Variants in ELOVL7 observed in about 807,000 individuals in gnomAD.
ELOVL7 encodes very long chain fatty acid elongase 7.
In ELOVL7, 27 loss-of-function variants were observed where a neutral mutation model predicts 35.7. That is an observed-to-expected ratio of 0.76 (90% CI 0.56 to 1.04). ELOVL7 has a LOEUF of 1.04. ELOVL7 is among the 50% of genes least tolerant of loss of function. The pLI is 0.00. For missense variants in ELOVL7, 327 were observed against 340.8 expected (o/e 0.96, Z 0.32); for synonymous variants, 113 against 114.6 (o/e 0.99, Z 0.09).
chr5:60,836,083 A>C (rs942214306), intron 1 of ELOVL7, among the ~76,000 whole-genome samples: 1 of 152,066 alleles, frequency 6.6e-6, no homozygotes, highest in Non-Finnish European at 1.5e-5. Flanking sequence ...AACCATATGC[A>C]AACTGCCAAC....
chr5:60,843,391 G>A (rs1747301089), intron 1 of ELOVL7: 1 of 152,134 alleles, frequency 6.6e-6, no homozygotes, highest in African/African-American at 2.4e-5. Flanking sequence ...ACGAACCTGG[G>A]AAAGCCCATT....
chr5:60,805,936 T>C (rs1295453767), intron 1 of ELOVL7, among the ~76,000 whole-genome samples: 1 of 152,244 alleles, frequency 6.6e-6, no homozygotes, highest in Non-Finnish European at 1.5e-5. Context: ...CCAAGTGTTA[T>C]GGATTGAACT....
At chr5:60,814,676 G>A (rs568888802) in intron 1 of ELOVL7, among the ~76,000 whole-genome samples, 102 of 152,266 alleles carry the variant, frequency 6.7e-4, no homozygotes, top group Non-Finnish European at 1.1e-3. Context: ...AGAAGTTAAG[G>A]AACTTGCCCC....
Position 60,789,119 on chromosome 5 carries a change from C to T in ELOVL7, c.-34-1688G>A, listed in dbSNP as rs539063326. On this transcript the variant is annotated intron_variant, in intron 2 of 8. Transcript: ENST00000508821. ...ATGACATAGTAGAAGACTTTTATAACCTTGTAGTGGGAAAGGCCTTACTAA... is the reference window on the plus strand; with the variant it reads ...ATGACATAGTAGAAGACTTTTATAATCTTGTAGTGGGAAAGGCCTTACTAA... Among the ~76,000 whole-genome samples, 54 of 152,182 alleles carry T rather than the reference C, an allele frequency of 3.5e-4. 2 individuals carry two copies. In the South Asian group the frequency reaches 9.3e-3, roughly 26 times the overall value.
At chr5:60,782,133 G>A (rs764368499) in intron 3 of ELOVL7, among the ~76,000 whole-genome samples, 17 of 151,962 alleles carry the variant, frequency 1.1e-4, no homozygotes, top group African/African-American at 3.1e-4. Context: ...AATGGCCAAC[G>A]GATAGATGAA....
intron 4 of ELOVL7, 75 bp from the exon 5 acceptor site, chr5:60,767,978 G>GTC: frequency 8.9e-7 from 1 of 1,128,878 alleles, no homozygotes; most frequent in South Asian, 1.2e-5. Context: ...TTTTGATAGT[G>GTC]TCTCTTCATT....
At chr5:60,780,201 C>T (rs1743159252) in intron 3 of ELOVL7, among the ~76,000 whole-genome samples, 1 of 150,666 alleles carries the variant, frequency 6.6e-6, no homozygotes, top group Non-Finnish European at 1.5e-5. Context: ...CTCACTGCAA[C>T]CTCTGCCTCC....
chr5:60,778,115 T>C (rs1421793953), intron 3 of ELOVL7, among the ~76,000 whole-genome samples: 2 of 152,248 alleles, frequency 1.3e-5, no homozygotes, highest in Admixed American at 1.3e-4. Context: ...CTTTTACTGC[T>C]TCTATTGGTT....
chr5:60,778,219 T>C (rs1360992647), intron 3 of ELOVL7, among the ~76,000 whole-genome samples: 2 of 152,190 alleles, frequency 1.3e-5, no homozygotes, highest in African/African-American at 4.8e-5. Context: ...TATGGGTCTG[T>C]ATGTCACAAA....
intron 1 of ELOVL7, among the ~76,000 whole-genome samples, chr5:60,815,544 T>G (rs1431366262): frequency 1.3e-4 from 1 of 7,986 alleles, no homozygotes; most frequent in Non-Finnish European, 3.2e-4. Context: ...GCAATAAAAT[T>G]TATTTATTTT....
intron 1 of ELOVL7, among the ~76,000 whole-genome samples, chr5:60,809,780 T>C (rs1228201726): frequency 6.6e-6 from 1 of 152,120 alleles, no homozygotes; most frequent in African/African-American, 2.4e-5. Context: ...TAGCCTCACA[T>C]TGGAGGAGAA....
chr5:60,773,873 C>T (rs1742746794), intron 3 of ELOVL7, among the ~76,000 whole-genome samples: 1 of 152,252 alleles, frequency 6.6e-6, no homozygotes, highest in Admixed American at 6.5e-5. Flanking sequence ...TTTCTTAATG[C>T]TTCATGTTCA....
chr5:60,794,001 G>A (rs937071842), intron 2 of ELOVL7, among the ~76,000 whole-genome samples: 2 of 152,112 alleles, frequency 1.3e-5, no homozygotes, highest in African/African-American at 4.8e-5. Flanking sequence ...AAACAAGAGA[G>A]ATACTTCAGA....
intron 1 of ELOVL7, among the ~76,000 whole-genome samples, chr5:60,821,909 ACCATTTACTGAT>A (rs1162647141): frequency 3.9e-5 from 6 of 152,248 alleles, no homozygotes; most frequent in African/African-American, 1.4e-4. Context: ...GTGCAATAGG[ACCATTTACTGAT>A]CCACGATAGG....
chr5:60,802,083 T>C (rs199575756), intron 1 of ELOVL7, among the ~76,000 whole-genome samples: 2 of 96,772 alleles, frequency 2.1e-5, no homozygotes, highest in African/African-American at 4.7e-5. Context: ...TATATATATA[T>C]ATATATATAT....
intron 7 of ELOVL7, among the ~76,000 whole-genome samples, chr5:60,763,071 T>C (rs775641208): frequency 3.3e-5 from 5 of 152,224 alleles, no homozygotes; most frequent in African/African-American, 7.2e-5. Flanking sequence ...ACTGAGACTA[T>C]CTTGTTTTAA....
intron 1 of ELOVL7, among the ~76,000 whole-genome samples, chr5:60,825,876 G>A (rs1460589005): frequency 4.6e-5 from 7 of 152,176 alleles, no homozygotes; most frequent in African/African-American, 1.7e-4. Flanking sequence ...GAGAGGAAGG[G>A]TGGGAATCCA....
intron 1 of ELOVL7, among the ~76,000 whole-genome samples, chr5:60,828,521 A>G (rs1746303845): frequency 6.6e-6 from 1 of 152,218 alleles, no homozygotes; most frequent in Admixed American, 6.5e-5. Context: ...ATCATAGTAT[A>G]GAACCTTATG....
intron 8 of ELOVL7, among the ~76,000 whole-genome samples, 200 bp downstream of exon 8, chr5:60,757,309 C>T (rs1439919609): frequency 1.3e-5 from 2 of 152,084 alleles, no homozygotes; most frequent in South Asian, 4.1e-4. Flanking sequence ...AATACACATG[C>T]TTGTTTAACT....
Sources: gnomAD v4.1 joint callset for allele counts (sites outside exome capture counted in the v4.1 genomes callset) on GRCh38, gnomAD v4.1.1 for gene constraint, MANE v1.5 for transcripts, NCBI Gene and HGNC (gene_info 2026-07-23, HGNC 2026-07-21) for gene names.